CPA6: variants seen among roughly 807,000 people sequenced by gnomAD.
CPA6 encodes carboxypeptidase A6.
Under a neutral mutation model 63.3 loss-of-function variants are expected in CPA6, and 58 were observed. The ratio of observed to expected loss-of-function variants is 0.92; its 90% CI spans 0.74 to 1.14. CPA6 has a LOEUF of 1.14. CPA6 is among the 50% of genes most tolerant of loss of function. CPA6 has a pLI of 0.00. For missense variants in CPA6, 565 were observed against 526.6 expected (o/e 1.07, Z -0.71); for synonymous variants, 185 against 179.0 (o/e 1.03, Z -0.27).
At chr8:67,525,970 A>G (rs1042494812) in intron 2 of CPA6, among the ~76,000 whole-genome samples, 2 of 152,198 alleles carry the variant, frequency 1.3e-5, no homozygotes, top group Non-Finnish European at 2.9e-5. Context: ...TATCACCACA[A>G]TGCAATATAT....
At chr8:67,681,666 C>CT (rs1220619557) in intron 1 of CPA6, among the ~76,000 whole-genome samples, 3 of 152,054 alleles carry the variant, frequency 2.0e-5, no homozygotes, top group East Asian at 1.9e-4. Flanking sequence ...AAAAACTATC[C>CT]TTTTTTTACT....
At chr8:67,505,510 T>A (rs1263931753) in intron 6 of CPA6, among the ~76,000 whole-genome samples, 1 of 152,218 alleles carries the variant, frequency 6.6e-6, no homozygotes, top group Admixed American at 6.5e-5. Context: ...TGTACTTAAC[T>A]ATTTCTTTTT....
At chr8:67,719,672 A>C (rs1817453957) in intron 1 of CPA6, among the ~76,000 whole-genome samples, 1 of 152,168 alleles carries the variant, frequency 6.6e-6, no homozygotes, top group African/African-American at 2.4e-5. Context: ...GGGCTGTTAC[A>C]GTCATGCAGG....
chr8:67,744,117 T>A (rs1037500539), intron 1 of CPA6, among the ~76,000 whole-genome samples: 1 of 152,238 alleles, frequency 6.6e-6, no homozygotes, highest in African/African-American at 2.4e-5. Flanking sequence ...TCTTTTGCGA[T>A]GAGAAAATGA....
chr8:67,545,375 A>C (rs538956184), intron 2 of CPA6, among the ~76,000 whole-genome samples: 8 of 152,198 alleles, frequency 5.3e-5, no homozygotes, highest in Admixed American at 5.2e-4. Flanking sequence ...TTTTAATGCT[A>C]CTTCCTGGTC....
At chr8:67,487,007 A>T (rs1384413152) in intron 6 of CPA6, among the ~76,000 whole-genome samples, 1 of 152,026 alleles carries the variant, frequency 6.6e-6, no homozygotes, top group African/African-American at 2.4e-5. Flanking sequence ...CTGGGACTTC[A>T]GGCAGGAGCC....
intron 1 of CPA6, among the ~76,000 whole-genome samples, chr8:67,631,960 C>G (rs145632939): frequency 6.6e-6 from 1 of 152,162 alleles, no homozygotes; most frequent in African/African-American, 2.4e-5. Flanking sequence ...TCAGAAGGAA[C>G]AACTCCAGAC....
chr8:67,447,113 T>C (rs1044598192), intron 8 of CPA6, among the ~76,000 whole-genome samples: 2 of 151,496 alleles, frequency 1.3e-5, no homozygotes, highest in Middle Eastern at 3.2e-3. Flanking sequence ...CACATATATA[T>C]ACACACACAC....
chr8:67,672,043 T>C (rs1214119643), intron 1 of CPA6, among the ~76,000 whole-genome samples: 1 of 152,136 alleles, frequency 6.6e-6, no homozygotes, highest in Admixed American at 6.5e-5. Flanking sequence ...TTGGCCAGGC[T>C]GGTCTTGAAC....
At chr8:67,474,373 C>T (rs1039989859) in intron 8 of CPA6, among the ~76,000 whole-genome samples, 9 of 152,068 alleles carry the variant, frequency 5.9e-5, no homozygotes, top group Admixed American at 5.9e-4. Flanking sequence ...AGGAATGGGC[C>T]ACCAAGCCCG....
intron 1 of CPA6, among the ~76,000 whole-genome samples, chr8:67,699,484 C>CAAAT (rs532194706): frequency 1.8e-4 from 28 of 151,564 alleles, no homozygotes; most frequent in Non-Finnish European, 3.1e-4. Context: ...GAAAAACAGG[C>CAAAT]AAATAAATAA....
chr8:67,472,383 T>TTATTTTATTC (rs1487265430), intron 8 of CPA6, among the ~76,000 whole-genome samples: 5 of 103,956 alleles, frequency 4.8e-5, no homozygotes, highest in African/African-American at 2.1e-4. Flanking sequence ...TTTTTTTATT[T>TTATTTTATTC]TATTTTATTT....
At chr8:67,581,222 A>C (rs1167518321) in intron 2 of CPA6, among the ~76,000 whole-genome samples, 1 of 152,224 alleles carries the variant, frequency 6.6e-6, no homozygotes, top group Non-Finnish European at 1.5e-5. Context: ...GATGTGCGAC[A>C]GTTGATTAAG....
rs999670106 is a variant in CPA6 at position 67,746,222 on chromosome 8, C to T, written c.-93G>A. 37 of 788,494 alleles carry T rather than the reference C, an allele frequency of 4.7e-5. No homozygotes were observed. Among genetic ancestry groups the T allele is most frequent in the Middle Eastern group, 6.1e-4 (2 of 3,298 alleles). 48.8% of individuals were successfully genotyped at this position (788,494 alleles called of 1,614,324 possible). A position where few individuals can be genotyped will look rare whatever the true frequency, so the allele number is the denominator to read the frequency against. ...CCCTCTACACACCGCACAGGTTCTC[C>T]GGGAAGGGGGTGGGCGAGGAAGGTT... On this transcript the variant is annotated 5_prime_UTR_variant, in exon 1 of 11. Transcript: ENST00000297770.
chr8:67,650,058 A>T (rs1331882625), intron 1 of CPA6, among the ~76,000 whole-genome samples: 1 of 152,040 alleles, frequency 6.6e-6, no homozygotes, highest in African/African-American at 2.4e-5. Context: ...TTCCTTTATT[A>T]TTTCCTGTAT....
At chr8:67,458,123 T>G (rs1318838065) in intron 8 of CPA6, among the ~76,000 whole-genome samples, 1 of 152,138 alleles carries the variant, frequency 6.6e-6, no homozygotes, top group Admixed American at 6.6e-5. Context: ...TAGACCTAAA[T>G]GTAAAAAGAA....
At chr8:67,503,830 TG>T (rs1466470224) in intron 6 of CPA6, among the ~76,000 whole-genome samples, 1 of 152,096 alleles carries the variant, frequency 6.6e-6, no homozygotes, top group Non-Finnish European at 1.5e-5. Context: ...TGGTTTGCTG[TG>T]CCTATCAACA....
At chr8:67,490,290 A>G (rs989187394) in intron 6 of CPA6, among the ~76,000 whole-genome samples, 3 of 152,212 alleles carry the variant, frequency 2.0e-5, no homozygotes. Context: ...TCTAATGTGT[A>G]GAACTATTTT....
In CPA6 at chr8:67,440,880, C is replaced by G. The variant is rs1346341226; in HGVS notation, c.839-6640G>C. Among the ~76,000 whole-genome samples the G allele has an allele frequency of 2.0e-5, 3 of 152,148 alleles. No individual in the cohort carries two copies. In the East Asian group the frequency reaches 5.8e-4, roughly 29 times the overall value. On this transcript the variant is annotated intron_variant, in intron 8 of 10. Transcript: ENST00000297770. The stretch of plus-strand genomic sequence containing the variant: ...ATGTGGTGCATGACTGTACTCCATT[C>G]TCTTCTTGTATGTTCACATGGCTTT...
Sources: gnomAD v4.1 joint callset for allele counts (sites outside exome capture counted in the v4.1 genomes callset) on GRCh38, gnomAD v4.1.1 for gene constraint, MANE v1.5 for transcripts, NCBI Gene and HGNC (gene_info 2026-07-23, HGNC 2026-07-21) for gene names.